ZYG11B: variants seen among roughly 807,000 people sequenced by gnomAD.
ZYG11B encodes the protein zyg-11 family member B, cell cycle regulator.
Under a neutral mutation model 82.4 loss-of-function variants are expected in ZYG11B, and 36 were observed. The ratio of observed to expected loss-of-function variants is 0.44; its 90% confidence interval spans 0.33 to 0.58. ZYG11B has a LOEUF of 0.58. ZYG11B is among the 20% of genes least tolerant of loss of function. The pLI, the probability that ZYG11B is intolerant of heterozygous loss-of-function variation, is 0.02. For missense variants in ZYG11B, 552 were observed against 895.6 expected (o/e 0.62, Z 4.90); for synonymous variants, 303 against 312.8 (o/e 0.97, Z 0.33).
chr1:52,793,910 T>TTCCTTCC (rs1644984407), intron 6 of ZYG11B, among the ~76,000 whole-genome samples: 3 of 150,936 alleles, frequency 2.0e-5, no homozygotes, highest in African/African-American at 7.4e-5. Flanking sequence ...CTTTCTTTCC[T>TTCCTTCC]TTCTTTCCTT....
chr1:52,745,001 C>T (rs1310071927), intron 1 of ZYG11B, among the ~76,000 whole-genome samples: 1 of 152,108 alleles, frequency 6.6e-6, no homozygotes, highest in Non-Finnish European at 1.5e-5. Flanking sequence ...GCATTGCTAC[C>T]AGCATAATTC....
At chr1:52,782,829 C>G (rs2149946091) in intron 4 of ZYG11B, among the ~76,000 whole-genome samples, 1 of 152,094 alleles carries the variant, frequency 6.6e-6, no homozygotes, top group Admixed American at 6.5e-5. Flanking sequence ...CTGTGTTGCC[C>G]AGGCTAGTCT....
intron 4 of ZYG11B, among the ~76,000 whole-genome samples, chr1:52,783,516 A>G (rs1644874374): frequency 6.6e-6 from 1 of 151,848 alleles, no homozygotes; most frequent in Non-Finnish European, 1.5e-5. Context: ...GCAGGCAGGA[A>G]GGTGACATGT....
At position 52,726,519 on chromosome 1, in the gene ZYG11B, G is replaced by T; in HGVS notation, c.-135G>T. ...TGCGGCTGCTACTGCTACGCTCCTAGCTTGAGGGAAAGAGGCCGAGGCCTG... is the reference window on the plus strand; with the variant it reads ...TGCGGCTGCTACTGCTACGCTCCTATCTTGAGGGAAAGAGGCCGAGGCCTG... On this transcript the variant is annotated 5_prime_UTR_variant, in exon 1 of 14. Coordinates refer to ENST00000294353, the MANE Select transcript of ZYG11B (RefSeq NM_024646.3). The T allele has an allele frequency of 3.7e-6, 3 of 821,468 alleles. No homozygotes were observed. The highest frequency in any genetic ancestry group is 5.0e-6 in the Non-Finnish European group (3 of 600,180). The allele number at this position is 821,468 out of a possible 1,614,324, so 50.9% of individuals were successfully genotyped here. A position where few individuals can be genotyped will look rare whatever the true frequency, so the allele number is the denominator to read the frequency against.
At chr1:52,745,689 GAGC>G (rs1034524283) in intron 1 of ZYG11B, among the ~76,000 whole-genome samples, 1 of 150,658 alleles carries the variant, frequency 6.6e-6, no homozygotes, top group Non-Finnish European at 1.5e-5. Flanking sequence ...TCAGCCTCCC[GAGC>G]AGCTGAGATT....
At chr1:52,780,230 A>G in intron 4 of ZYG11B, among the ~76,000 whole-genome samples, 1 of 152,164 alleles carries the variant, frequency 6.6e-6, no homozygotes. Flanking sequence ...ATATTTATCT[A>G]CCTAAAACCA....
intron 8 of ZYG11B, among the ~76,000 whole-genome samples, chr1:52,797,374 AATATATAATAC>A (rs1283509858): frequency 1.1e-5 from 1 of 90,438 alleles, no homozygotes; most frequent in Non-Finnish European, 2.0e-5. Context: ...TATAATATAT[AATATATAATAC>A]ATATATATCA....
At chr1:52,803,141 T>TATATATATACACAC (rs1645099008) in intron 10 of ZYG11B, among the ~76,000 whole-genome samples, 1 of 60,558 alleles carries the variant, frequency 1.7e-5, no homozygotes, top group Non-Finnish European at 2.6e-5. Context: ...TATACACACA[T>TATATATATACACAC]ATATATATAT....
At chr1:52,745,846 G>A (rs766269381) in intron 1 of ZYG11B, among the ~76,000 whole-genome samples, 3 of 142,378 alleles carry the variant, frequency 2.1e-5, no homozygotes, top group Non-Finnish European at 4.5e-5. Flanking sequence ...TTACAGGTGT[G>A]AGCCACTGCA....
At chr1:52,816,061 AT>A (rs1318315153) in intron 12 of ZYG11B, among the ~76,000 whole-genome samples, 1 of 151,908 alleles carries the variant, frequency 6.6e-6, no homozygotes, top group Non-Finnish European at 1.5e-5. Flanking sequence ...TATTCAACTT[AT>A]TTTTTTTGTT....
intron 6 of ZYG11B, among the ~76,000 whole-genome samples, chr1:52,794,867 G>A (rs1317647755): frequency 6.6e-6 from 1 of 152,078 alleles, no homozygotes; most frequent in East Asian, 1.9e-4. Flanking sequence ...TCTATCACGT[G>A]GAGTAGACTA....
In ZYG11B at chr1:52,726,620, T is replaced by C; in HGVS notation, c.-34T>C. On this transcript the variant is annotated 5_prime_UTR_variant, in exon 1 of 14. Transcript: ENST00000294353. Reference sequence around the variant, plus strand: ...GGCTCAGCCTGGGGGCGGGCTCCGGTCCGGCCCGCCGCCGCACCCAGGACG... The same window carrying C: ...GGCTCAGCCTGGGGGCGGGCTCCGGCCCGGCCCGCCGCCGCACCCAGGACG... 7.0e-7 allele frequency: 1 copy of C among 1,422,780 alleles called. No homozygotes were observed. The highest frequency in any genetic ancestry group is 1.4e-5 in the South Asian group (1 of 69,156). The allele number at this position is 1,422,780 out of a possible 1,614,324, so 88.1% of individuals were successfully genotyped here.
chr1:52,735,483 T>C (rs1391794047), intron 1 of ZYG11B, among the ~76,000 whole-genome samples: 1 of 152,182 alleles, frequency 6.6e-6, no homozygotes, highest in African/African-American at 2.4e-5. Context: ...AATTGTATAG[T>C]AACTAGGCAA....
At chr1:52,728,451 T>G (rs1644303101) in intron 1 of ZYG11B, among the ~76,000 whole-genome samples, 1 of 151,974 alleles carries the variant, frequency 6.6e-6, no homozygotes, top group Non-Finnish European at 1.5e-5. Flanking sequence ...AGAAATGGAG[T>G]CTTGCTGTGT....
At chr1:52,762,756 AT>A (rs796694388) in intron 2 of ZYG11B, among the ~76,000 whole-genome samples, 1 of 151,366 alleles carries the variant, frequency 6.6e-6, no homozygotes, top group Non-Finnish European at 1.5e-5. Context: ...TAATTTTTGT[AT>A]TTTTAGTAGA....
intron 2 of ZYG11B, among the ~76,000 whole-genome samples, chr1:52,766,668 A>G (rs934002360): frequency 6.6e-6 from 1 of 152,156 alleles, no homozygotes; most frequent in African/African-American, 2.4e-5. Context: ...AGTGGAAGGT[A>G]GGAGCACTGC....
At chr1:52,805,287 G>A (rs747575228) in intron 10 of ZYG11B, 49 of 335,966 alleles carry the variant, frequency 1.5e-4, no homozygotes, top group Non-Finnish European at 2.5e-4. Flanking sequence ...ATGTAAATTG[G>A]AGCTTGTTTT....
chr1:52,732,088 C>G (rs12563656), intron 1 of ZYG11B, among the ~76,000 whole-genome samples: 51,160 of 152,194 alleles, frequency 0.34, 10,456 homozygotes, highest in Admixed American at 0.46. Flanking sequence ...CAGGCCTGAG[C>G]CATCGTGCCC....
intron 5 of ZYG11B, among the ~76,000 whole-genome samples, chr1:52,786,233 AAAAT>A (rs1644910641): frequency 6.6e-6 from 1 of 152,204 alleles, no homozygotes; most frequent in African/African-American, 2.4e-5. Flanking sequence ...GGATGCATAT[AAAAT>A]AAATAAGGTT....
Sources: gnomAD v4.1 joint callset for allele counts (sites outside exome capture counted in the v4.1 genomes callset) on GRCh38, gnomAD v4.1.1 for gene constraint, MANE v1.5 for transcripts, NCBI Gene and HGNC (gene_info 2026-07-23, HGNC 2026-07-21) for gene names.